The following ALG5 variants were observed in gnomAD, a reference collection of about 807,000 sequenced individuals.
ALG5 encodes ALG5 dolichyl-phosphate beta-glucosyltransferase, also known as dolichyl-phosphate beta-glucosyltransferase.
Under a neutral mutation model 51.8 loss-of-function variants are expected in ALG5, and 26 were observed. That is an observed-to-expected ratio of 0.50 (90% confidence interval 0.37 to 0.70). ALG5 has a LOEUF of 0.70. ALG5 is among the 30% of genes least tolerant of loss of function. The pLI is 0.00. For missense variants in ALG5, 311 were observed against 399.3 expected (o/e 0.78, Z 1.88); for synonymous variants, 141 against 136.1 (o/e 1.04, Z -0.25).
chr13:36,997,813 T>C (rs1006053506), intron 1 of ALG5, among the ~76,000 whole-genome samples: 3 of 152,178 alleles, frequency 2.0e-5, no homozygotes, highest in Admixed American at 6.5e-5. Context: ...CTGTGAGTAA[T>C]GGAGAGTGGA....
intron 8 of ALG5, among the ~76,000 whole-genome samples, chr13:36,958,244 C>G (rs112611854): frequency 5.9e-5 from 9 of 152,110 alleles, no homozygotes; most frequent in South Asian, 2.1e-4. Flanking sequence ...TTACCAAGAG[C>G]TTCTATGGAG....
chr13:36,987,709 G>C (rs371007176), intron 5 of ALG5, among the ~76,000 whole-genome samples: 12 of 152,252 alleles, frequency 7.9e-5, no homozygotes, highest in African/African-American at 2.9e-4. Context: ...TTATAGCAAT[G>C]TAAGAATGGC....
At chr13:36,993,045 C>G (rs1271814930) in intron 4 of ALG5, among the ~76,000 whole-genome samples, 1 of 152,166 alleles carries the variant, frequency 6.6e-6, no homozygotes, top group Non-Finnish European at 1.5e-5. Context: ...TCTAGGCTAC[C>G]TCTATAATCT....
intron 7 of ALG5, among the ~76,000 whole-genome samples, chr13:36,966,002 C>T (rs1433530332): frequency 6.6e-6 from 1 of 152,178 alleles, no homozygotes; most frequent in South Asian, 2.1e-4. Flanking sequence ...CCAGGAGAAA[C>T]AGGTTTGGGG....
At chr13:36,995,391 T>C (rs751230178) in intron 2 of ALG5, 34 bp downstream of exon 2, 2 of 1,578,482 alleles carry the variant, frequency 1.3e-6, no homozygotes, top group East Asian at 2.2e-5. Flanking sequence ...TTTTCCAAAC[T>C]ACCCTTTACC....
At chr13:36,980,429 G>A (rs1345006831) in intron 6 of ALG5, among the ~76,000 whole-genome samples, 2 of 152,006 alleles carry the variant, frequency 1.3e-5, no homozygotes, top group Admixed American at 6.6e-5. Flanking sequence ...ATTTCGCTAT[G>A]TTGGCCAGGC....
chr13:36,968,949 A>G (rs1452792790), intron 7 of ALG5, among the ~76,000 whole-genome samples: 2 of 152,234 alleles, frequency 1.3e-5, no homozygotes, highest in Non-Finnish European at 2.9e-5. Context: ...CGGACAACCA[A>G]TGATCTCTAG....
At chr13:36,958,002 C>T (rs1298990520) in intron 8 of ALG5, among the ~76,000 whole-genome samples, 1 of 152,150 alleles carries the variant, frequency 6.6e-6, no homozygotes, top group South Asian at 2.1e-4. Context: ...GAGTCAAACC[C>T]TGGATACTGC....
chr13:36,983,510 C>A (rs917605024), intron 6 of ALG5, among the ~76,000 whole-genome samples: 1 of 151,134 alleles, frequency 6.6e-6, no homozygotes, highest in African/African-American at 2.4e-5. Context: ...ATTCAGGAAG[C>A]TGAGGCAGGA....
intron 6 of ALG5, among the ~76,000 whole-genome samples, chr13:36,981,532 AC>A (rs1363347006): frequency 1.3e-5 from 2 of 152,228 alleles, no homozygotes; most frequent in Non-Finnish European, 2.9e-5. Context: ...TAGAACAAGA[AC>A]CTACACTTTT....
chr13:36,999,112 G>T, intron 1 of ALG5, 123 bp downstream of exon 1: 2 of 820,868 alleles, frequency 2.4e-6, no homozygotes, highest in Non-Finnish European at 3.4e-6. Context: ...GAATTTGGGG[G>T]AATCTAGGGG....
At chr13:36,952,683 CT>C in intron 8 of ALG5, 84 bp from the exon 9 acceptor site, 1 of 747,542 alleles carries the variant, frequency 1.3e-6, no homozygotes. Context: ...TTTAAAGAAG[CT>C]TACATGGCAG....
chr13:36,979,054 T>C lies in ALG5; in HGVS notation c.561+6573A>G, dbSNP rs185164157. Among the ~76,000 whole-genome samples, 1,067 of 152,270 alleles carry C rather than the reference T, an allele frequency of 7.0e-3. 15 individuals are homozygous for C. The highest frequency in any genetic ancestry group is 7.1e-3 in the Non-Finnish European group (481 of 68,014). The stretch of plus-strand genomic sequence containing the variant: ...TTATTAATTATGGAGTCTTGCTCTG[T>C]AGCTCAGGCTGGAGTGCAGTGGCAC... On this transcript the variant is annotated intron_variant, in intron 6 of 9. Coordinates refer to ENST00000239891, the MANE Select transcript of ALG5 (RefSeq NM_013338.5).
At chr13:36,966,027 AAGG>A (rs2058891774) in intron 7 of ALG5, among the ~76,000 whole-genome samples, 1 of 152,214 alleles carries the variant, frequency 6.6e-6, no homozygotes, top group Non-Finnish European at 1.5e-5. Flanking sequence ...TGCTGTGAGC[AAGG>A]AGAACGTCTT....
intron 6 of ALG5, among the ~76,000 whole-genome samples, chr13:36,973,346 G>A (rs1454383908): frequency 1.3e-5 from 2 of 152,128 alleles, no homozygotes; most frequent in Non-Finnish European, 2.9e-5. Context: ...AGCCATATGA[G>A]TACTTAGAAT....
At chr13:36,977,468 T>C (rs2058957260) in intron 6 of ALG5, among the ~76,000 whole-genome samples, 1 of 151,964 alleles carries the variant, frequency 6.6e-6, no homozygotes. Flanking sequence ...CACCCCAGCC[T>C]GGGCAACAGA....
chr13:36,963,421 C>T (rs1237003833), intron 8 of ALG5, among the ~76,000 whole-genome samples: 5 of 152,244 alleles, frequency 3.3e-5, no homozygotes, highest in East Asian at 3.9e-4. Context: ...TCCTCAACAA[C>T]GAAAAATAGT....
intron 6 of ALG5, among the ~76,000 whole-genome samples, chr13:36,976,329 A>C (rs896414977): frequency 4.2e-5 from 6 of 144,130 alleles, no homozygotes; most frequent in Non-Finnish European, 7.5e-5. Flanking sequence ...CAGGAGGCTG[A>C]GGCAGGAAAC....
chr13:36,953,431 T>C (rs1016972649), intron 8 of ALG5, among the ~76,000 whole-genome samples: 5 of 152,212 alleles, frequency 3.3e-5, no homozygotes, highest in African/African-American at 7.2e-5. Flanking sequence ...ACAAAATTTC[T>C]CTGAACTAGT....
Sources: allele counts gnomAD v4.1 joint callset (sites outside exome capture counted in the v4.1 genomes callset), GRCh38; gene constraint gnomAD v4.1.1; transcripts MANE v1.5; gene names NCBI Gene and HGNC (gene_info 2026-07-23, HGNC 2026-07-21).